The following PLCL1 variants were observed in gnomAD, a reference collection of about 807,000 sequenced individuals.
The protein encoded by PLCL1 is inactive phospholipase C-like protein 1.
Under a neutral mutation model 84.4 loss-of-function variants are expected in PLCL1, and 41 were observed. That is an observed-to-expected ratio of 0.49 (90% CI 0.38 to 0.63). PLCL1 has a LOEUF of 0.63. Ranked by LOEUF, PLCL1 falls within the 30% of genes least tolerant of loss-of-function variation. PLCL1 has a pLI of 0.00. For synonymous variants in PLCL1, 490 were observed against 488.3 expected, an observed-to-expected ratio of 1.00 and a Z score of -0.05; for missense variants, 1,206 against 1,367.8, an observed-to-expected ratio of 0.88 and a Z score of 1.87.
intron 1 of PLCL1, among the ~76,000 whole-genome samples, chr2:197,975,675 A>G (rs1319730162): frequency 4.6e-5 from 7 of 152,016 alleles, no homozygotes; most frequent in Non-Finnish European, 7.4e-5. Flanking sequence ...ATGTGGTGGC[A>G]CATGCCTATA....
rs772849136 is a variant in PLCL1 at position 198,084,992 on chromosome 2, G to C, written c.1475G>C (p.Gly492Ala). The C allele has an allele frequency of 6.2e-7, 1 of 1,613,994 alleles. No homozygotes were observed. The highest frequency in any genetic ancestry group is 8.5e-7 in the Non-Finnish European group (1 of 1,179,994). Residue 492 changes from glycine to alanine, a missense_variant, in exon 2 of 6, where the codon GGA becomes GCA. Transcript: ENST00000428675. ...GAATACCCACTCATTCTTTGCTTGGGAAATCACTGCTCCTTGCCGCAGCAG... is the reference window on the plus strand; with the variant it reads ...GAATACCCACTCATTCTTTGCTTGGCAAATCACTGCTCCTTGCCGCAGCAG... ...ASEYPLILCL[G>A]NHCSLPQQKV...
chr2:198,064,511 G>A (rs2105880064), intron 1 of PLCL1, among the ~76,000 whole-genome samples: 1 of 152,150 alleles, frequency 6.6e-6, no homozygotes, highest in South Asian at 2.1e-4. Flanking sequence ...TTAAGGCTTA[G>A]CCACAATTAA....
intron 1 of PLCL1, among the ~76,000 whole-genome samples, chr2:197,986,083 T>A (rs1690212321): frequency 6.6e-6 from 1 of 152,206 alleles, no homozygotes; most frequent in South Asian, 2.1e-4. Context: ...CTATATGACA[T>A]CCTTTATCAG....
chr2:198,082,193 C>A (rs1182193172), intron 1 of PLCL1, among the ~76,000 whole-genome samples: 1 of 152,132 alleles, frequency 6.6e-6, no homozygotes, highest in Non-Finnish European at 1.5e-5. Flanking sequence ...CACAATGACA[C>A]TATGTTATAT....
chr2:198,114,639 A>T (rs1026151381), intron 5 of PLCL1, among the ~76,000 whole-genome samples: 1 of 151,842 alleles, frequency 6.6e-6, no homozygotes, highest in Non-Finnish European at 1.5e-5. Context: ...ATTGATAACC[A>T]AATTGTTTCA....
intron 1 of PLCL1, among the ~76,000 whole-genome samples, chr2:197,968,693 G>A (rs1270274297): frequency 6.6e-6 from 1 of 152,128 alleles, no homozygotes; most frequent in East Asian, 1.9e-4. Flanking sequence ...CTCAATACCA[G>A]TACAGGATGC....
intron 3 of PLCL1, among the ~76,000 whole-genome samples, chr2:198,090,293 A>G (rs192298545): frequency 3.0e-4 from 46 of 152,284 alleles, no homozygotes; most frequent in African/African-American, 1.1e-3. Context: ...GATTTAAATT[A>G]CATTTCTATG....
intron 1 of PLCL1, among the ~76,000 whole-genome samples, chr2:197,872,239 C>T (rs1687661893): frequency 6.6e-6 from 1 of 152,096 alleles, no homozygotes; most frequent in Non-Finnish European, 1.5e-5. Context: ...TAGCAAATTT[C>T]CTGTTCCATG....
chr2:198,002,816 C>T (rs1057051130), intron 1 of PLCL1, among the ~76,000 whole-genome samples: 5 of 152,138 alleles, frequency 3.3e-5, no homozygotes, highest in African/African-American at 1.2e-4. Flanking sequence ...AGGCAGGTAC[C>T]ATAAGGTACT....
chr2:197,877,336 G>A (rs1403106773), intron 1 of PLCL1, among the ~76,000 whole-genome samples: 1 of 152,064 alleles, frequency 6.6e-6, no homozygotes, highest in African/African-American at 2.4e-5. Context: ...CAGAACATTA[G>A]TGATAAAGGA....
intron 1 of PLCL1, among the ~76,000 whole-genome samples, chr2:198,028,865 C>T (rs888169753): frequency 2.0e-5 from 3 of 152,064 alleles, no homozygotes; most frequent in African/African-American, 7.2e-5. Context: ...TGCCACCACC[C>T]CCACTTTCTG....
intron 1 of PLCL1, among the ~76,000 whole-genome samples, chr2:197,981,283 G>T (rs1690099146): frequency 6.6e-6 from 1 of 152,106 alleles, no homozygotes; most frequent in Admixed American, 6.6e-5. Context: ...ACTCACTAAT[G>T]TATTATGATA....
In PLCL1 at chr2:198,103,856, T is replaced by C. The variant is rs145391804; in HGVS notation, c.3025T>C (p.Leu1009=). Residue 1009 remains leucine (L), a synonymous_variant, in exon 5 of 6, where the codon TTG becomes CTG. Transcript: ENST00000428675. ...GMEFHEELHN[L]GAKEGLKGRK... is the part of the protein sequence containing the mutation. Reference sequence around the variant, plus strand: ...GGAGTTCCATGAAGAACTTCATAATTTGGGGGCAAAAGAAGGCTTGAAGGG... The same window carrying C: ...GGAGTTCCATGAAGAACTTCATAATCTGGGGGCAAAAGAAGGCTTGAAGGG... 162 of 1,605,712 alleles carry C rather than the reference T, an allele frequency of 1.0e-4. No individual in the cohort carries two copies. Among genetic ancestry groups the C allele is most frequent in the Non-Finnish European group, 1.3e-4 (152 of 1,175,392 alleles).
intron 1 of PLCL1, among the ~76,000 whole-genome samples, chr2:197,871,089 G>A (rs1430955232): frequency 6.6e-6 from 1 of 152,110 alleles, no homozygotes; most frequent in Non-Finnish European, 1.5e-5. Context: ...ATGCCATACA[G>A]AGAGGCTTGA....
chr2:197,992,370 T>C (rs1690363448), intron 1 of PLCL1, among the ~76,000 whole-genome samples: 1 of 152,036 alleles, frequency 6.6e-6, no homozygotes, highest in African/African-American at 2.4e-5. Context: ...GCTCAGGTGA[T>C]TCTCCCACTT....
intron 1 of PLCL1, among the ~76,000 whole-genome samples, chr2:197,913,565 C>T (rs1175945515): frequency 6.6e-6 from 1 of 152,112 alleles, no homozygotes; most frequent in Non-Finnish European, 1.5e-5. Context: ...ACAATAAAAG[C>T]AAGACTTGAT....
intron 1 of PLCL1, among the ~76,000 whole-genome samples, chr2:197,905,037 C>A (rs1285335124): frequency 6.6e-6 from 1 of 152,056 alleles, no homozygotes. Flanking sequence ...ATTTTGTTGT[C>A]TTCTTGCACA....
At chr2:198,116,162 G>A (rs1040886361) in intron 5 of PLCL1, among the ~76,000 whole-genome samples, 18 of 151,376 alleles carry the variant, frequency 1.2e-4, no homozygotes, top group African/African-American at 3.4e-4. Flanking sequence ...TGAAAAGATC[G>A]TGATTATGGA....
At chr2:197,956,840 AT>A (rs1195159825) in intron 1 of PLCL1, among the ~76,000 whole-genome samples, 1 of 151,990 alleles carries the variant, frequency 6.6e-6, no homozygotes, top group Non-Finnish European at 1.5e-5. Context: ...AGATGGGTAG[AT>A]TGCAAAAATT....
Sources: allele counts gnomAD v4.1 joint callset (sites outside exome capture counted in the v4.1 genomes callset), GRCh38; gene constraint gnomAD v4.1.1; transcripts MANE v1.5; gene names NCBI Gene and HGNC (gene_info 2026-07-23, HGNC 2026-07-21).